Variants in RASSF8 observed in about 807,000 individuals in gnomAD.
RASSF8 encodes the protein Ras association domain family member 8.
A neutral mutation model predicts 48.5 loss-of-function variants in RASSF8; 22 were observed. The ratio of observed to expected loss-of-function variants is 0.45; its 90% CI spans 0.32 to 0.65. The LOEUF is 0.65. RASSF8 is among the 30% of genes least tolerant of loss of function. The pLI is 0.03. For synonymous variants in RASSF8, 127 were observed against 171.5 expected (o/e 0.74, Z 2.03); for missense variants, 418 against 489.2 (o/e 0.85, Z 1.37).
intron 1 of RASSF8, among the ~76,000 whole-genome samples, chr12:25,993,009 AGTTAGGAGGTTGTAG>A (rs1279490028): frequency 6.6e-6 from 1 of 152,128 alleles, no homozygotes; most frequent in African/African-American, 2.4e-5. Flanking sequence ...TGGATTGAGT[AGTTAGGAGGTTGTAG>A]GAATCAATGG....
At position 26,072,707 on chromosome 12, in the gene RASSF8, C is replaced by G; in HGVS notation, c.*3889C>G. The stretch of plus-strand genomic sequence containing the variant: ...GCACATAAATATGCTTTTAGTACTG[C>G]TTTGCTTATGTACAAATAAATCTGT... On this transcript the variant is annotated 3_prime_UTR_variant, in exon 6 of 6. Transcript: ENST00000689635. The G allele has an allele frequency of 1.0e-6, 1 of 982,954 alleles. No individual in the cohort carries two copies. Among genetic ancestry groups the G allele is most frequent in the Non-Finnish European group, 1.2e-6 (1 of 827,700 alleles). The allele number at this position is 982,954 out of a possible 1,614,324, so 60.9% of individuals were successfully genotyped here. A position where few individuals can be genotyped will look rare whatever the true frequency, so the allele number is the denominator to read the frequency against.
chr12:26,058,534 G>GCA (rs201394159), intron 3 of RASSF8, among the ~76,000 whole-genome samples: 3,437 of 63,644 alleles, frequency 0.054, 129 homozygotes, highest in African/African-American at 0.14. Context: ...GCGCACGCGC[G>GCA]CGCGCACACA....
rs1433707429 is a variant in RASSF8, at chr12:26,069,602, T to C, written c.*784T>C. The C allele has an allele frequency of 1.0e-6, 1 of 985,278 alleles. No homozygotes were observed. Among genetic ancestry groups the C allele is most frequent in the Non-Finnish European group, 1.2e-6 (1 of 829,900 alleles). The allele number at this position is 985,278 out of a possible 1,614,324, so 61.0% of individuals were successfully genotyped here. On this transcript the variant is annotated 3_prime_UTR_variant, in exon 6 of 6. Transcript: ENST00000689635. The stretch of plus-strand genomic sequence containing the variant: ...AGTATGTATCCAAACAGGCATGGGG[T>C]TTCCTGATACATTATGTGTTTTGTT...
intron 2 of RASSF8, among the ~76,000 whole-genome samples, chr12:26,050,672 C>T (rs1943471953): frequency 6.6e-6 from 1 of 152,096 alleles, no homozygotes; most frequent in South Asian, 2.1e-4. Context: ...GTATTTAAGA[C>T]AGGAGTTAAA....
intron 2 of RASSF8, among the ~76,000 whole-genome samples, chr12:26,001,868 T>C (rs1348922643): frequency 3.3e-5 from 5 of 152,250 alleles, no homozygotes; most frequent in South Asian, 4.1e-4. Flanking sequence ...TAGTCATTTA[T>C]TATCATTTTC....
At chr12:25,960,651 A>G (rs1237958773) in intron 1 of RASSF8, among the ~76,000 whole-genome samples, 1 of 152,218 alleles carries the variant, frequency 6.6e-6, no homozygotes, top group Non-Finnish European at 1.5e-5. Context: ...AAACCTTTCA[A>G]AAATCTCCCC....
chr12:26,062,249 A>G (rs539957614), intron 3 of RASSF8, among the ~76,000 whole-genome samples: 1 of 152,352 alleles, frequency 6.6e-6, no homozygotes, highest in African/African-American at 2.4e-5. Flanking sequence ...CAGTTTTAAC[A>G]TTGCAGATGT....
At chr12:26,067,851 G>A (rs1035684145) in intron 5 of RASSF8, 138 bp downstream of exon 5, 10 of 1,141,264 alleles carry the variant, frequency 8.8e-6, no homozygotes, top group East Asian at 5.2e-5. Context: ...CTGCAGCCTC[G>A]ACCTCCTGGG....
chr12:26,015,275 A>G (rs1472250510), intron 2 of RASSF8, among the ~76,000 whole-genome samples: 1 of 152,056 alleles, frequency 6.6e-6, no homozygotes, highest in African/African-American at 2.4e-5. Context: ...TTGGTAAAAG[A>G]TGCTGCACCT....
At chr12:26,055,840 C>A (rs941894863) in intron 3 of RASSF8, among the ~76,000 whole-genome samples, 7 of 152,130 alleles carry the variant, frequency 4.6e-5, no homozygotes, top group African/African-American at 1.7e-4. Context: ...TCAGAAAATA[C>A]AACAAATGAA....
intron 2 of RASSF8, among the ~76,000 whole-genome samples, chr12:26,038,517 A>C (rs1164594508): frequency 6.6e-6 from 1 of 152,088 alleles, no homozygotes; most frequent in Non-Finnish European, 1.5e-5. Context: ...GCACATTTGA[A>C]AAACTCCAAA....
At chr12:25,976,143 A>T (rs1941599362) in intron 1 of RASSF8, among the ~76,000 whole-genome samples, 1 of 152,208 alleles carries the variant, frequency 6.6e-6, no homozygotes. Context: ...AGGCTGTTTC[A>T]TGCCAACTTC....
At chr12:26,075,950 G>A (rs4963646), downstream of RASSF8, among the ~76,000 whole-genome samples, 55,580 of 151,858 alleles carry the variant, frequency 0.37, 12,099 homozygotes, top group African/African-American at 0.61. Context: ...ACCAACGCCA[G>A]CCTACATCTG....
At chr12:26,075,016 G>A (rs1944059941), downstream of RASSF8, among the ~76,000 whole-genome samples, 1 of 152,180 alleles carries the variant, frequency 6.6e-6, no homozygotes, top group Non-Finnish European at 1.5e-5. Context: ...CTAAAGAAGG[G>A]TCAAGACTAG....
intron 2 of RASSF8, among the ~76,000 whole-genome samples, chr12:26,006,877 C>T (rs1942404460): frequency 1.3e-5 from 2 of 152,232 alleles, no homozygotes; most frequent in Middle Eastern, 3.4e-3. Flanking sequence ...ATACTTAGTT[C>T]ATTTTGGGTT....
In RASSF8 at chr12:26,064,944, C is replaced by T. The variant is rs1424277687; in HGVS notation, c.550C>T (p.Leu184=). 4 of 1,613,960 alleles carry T rather than the reference C, an allele frequency of 2.5e-6. No homozygotes were observed. Among genetic ancestry groups the T allele is most frequent in the Middle Eastern group, 3.3e-4 (2 of 6,062 alleles). Residue 184 remains leucine (L), a synonymous_variant, in exon 4 of 6, where the codon CTG becomes TTG. Transcript: ENST00000689635. ...GAAGCTTCAATCCATTGAGAAACAG[C>T]TGGAATCTAATGAAATAGAAATAAG... ...TEKLQSIEKQ[L]ESNEIEIRFW... is the part of the protein sequence containing the mutation.
intron 1 of RASSF8, among the ~76,000 whole-genome samples, chr12:25,985,431 T>C (rs1941849896): frequency 6.6e-6 from 1 of 152,136 alleles, no homozygotes; most frequent in Non-Finnish European, 1.5e-5. Flanking sequence ...ATAATTTAGT[T>C]TGGTGCCTTT....
chr12:26,064,922 G>T lies in RASSF8; in HGVS notation c.528G>T (p.Lys176Asn), dbSNP rs1187799925. 6 of 1,614,064 alleles carry T rather than the reference G, an allele frequency of 3.7e-6. No individual in the cohort carries two copies. The Admixed American group carries it at 5.0e-5, about 13-fold the overall frequency. ...LKKLIRLQTE[K>N]LQSIEKQLES... ...AGCTAATCCGTCTGCAGACAGAGAA[G>T]CTTCAATCCATTGAGAAACAGCTGG... The change falls in exon 4 of 6, where the codon AAG becomes AAT. Residue 176 changes from lysine (K) to asparagine (N), a missense_variant. Lys to Asn is a moderately conservative substitution (Grantham distance 94). Transcript: ENST00000689635.
downstream of RASSF8, among the ~76,000 whole-genome samples, chr12:26,076,220 C>G (rs1343248120): frequency 6.6e-6 from 1 of 151,986 alleles, no homozygotes; most frequent in Non-Finnish European, 1.5e-5. Context: ...ACACTCTACA[C>G]CAATCGTGAC....
Sources: gnomAD v4.1 joint callset for allele counts (sites outside exome capture counted in the v4.1 genomes callset) on GRCh38, gnomAD v4.1.1 for gene constraint, MANE v1.5 for transcripts, NCBI Gene and HGNC (gene_info 2026-07-23, HGNC 2026-07-21) for gene names.